The following PARD3B variants were observed in gnomAD, a reference collection of about 807,000 sequenced individuals.
PARD3B encodes the protein par-3 family cell polarity regulator beta.
Under a neutral mutation model 130.2 loss-of-function variants are expected in PARD3B, and 103 were observed. The observed-to-expected ratio is 0.79, with a 90% CI of 0.67 to 0.93. PARD3B has a LOEUF of 0.93. Among genes scored for constraint, PARD3B ranks in the 40% least tolerant of loss-of-function variants. The pLI, the probability that PARD3B is intolerant of heterozygous loss-of-function variation, is 0.00. For missense variants in PARD3B, 1,609 were observed against 1,499.2 expected (o/e 1.07, Z -1.21); for synonymous variants, 583 against 553.2 (o/e 1.05, Z -0.76).
At chr2:205,529,804 T>G (rs2051507207) in intron 21 of PARD3B, among the ~76,000 whole-genome samples, 1 of 152,226 alleles carries the variant, frequency 6.6e-6, no homozygotes, top group Non-Finnish European at 1.5e-5. Flanking sequence ...TTTTCTTTTT[T>G]CATTTTTTAA....
At chr2:205,348,303 C>A (rs969231300) in intron 18 of PARD3B, 1 of 152,210 alleles carries the variant, frequency 6.6e-6, no homozygotes, top group African/African-American at 2.4e-5. Context: ...TATTACTGAA[C>A]AACAATTAGA....
At chr2:205,395,847 G>C (rs549751994) in intron 18 of PARD3B, among the ~76,000 whole-genome samples, 1 of 152,252 alleles carries the variant, frequency 6.6e-6, no homozygotes, top group African/African-American at 2.4e-5. Context: ...CAAAACACTT[G>C]GTTCCTCTGC....
chr2:205,574,530 C>T (rs141508793), intron 22 of PARD3B, among the ~76,000 whole-genome samples: 2 of 152,098 alleles, frequency 1.3e-5, no homozygotes, highest in South Asian at 2.1e-4. Flanking sequence ...AGAATAATTC[C>T]GGAAAGATCT....
At chr2:204,624,997 C>CT (rs896064492) in intron 1 of PARD3B, among the ~76,000 whole-genome samples, 3 of 151,960 alleles carry the variant, frequency 2.0e-5, no homozygotes, top group South Asian at 2.1e-4. Context: ...GATGTTGAAC[C>CT]TTTTTTTGTG....
chr2:204,836,189 C>G (rs1247978546), intron 2 of PARD3B, among the ~76,000 whole-genome samples: 1 of 152,046 alleles, frequency 6.6e-6, no homozygotes. Context: ...TATATAGATA[C>G]TATTGCATTT....
Position 205,584,876 on chromosome 2 carries a change from C to A in PARD3B, c.3261-30580C>A, listed in dbSNP as rs2106581409. ...CTTTTTTGGAAAACACTTTTTTCCC[C>A]TTAGATTGTACATAATACCAGGCAC... is the stretch of plus-strand genomic sequence containing the variant. On this transcript the variant is annotated intron_variant, in intron 22 of 22. Coordinates refer to ENST00000406610, the MANE Select transcript of PARD3B (RefSeq NM_001302769.2). The surrounding 1 kb of genome is among the most constrained non-coding windows in gnomAD (Gnocchi z 5.5). Among the ~76,000 whole-genome samples the A allele has an allele frequency of 6.6e-6, 1 of 152,056 alleles. No homozygotes were observed. The highest frequency in any genetic ancestry group is 1.9e-4 in the East Asian group (1 of 5,162).
chr2:204,797,865 G>A (rs984882791), intron 2 of PARD3B, among the ~76,000 whole-genome samples: 4 of 152,056 alleles, frequency 2.6e-5, no homozygotes, highest in East Asian at 1.9e-4. Flanking sequence ...GACTTAAAAC[G>A]CAATTTGAAA....
intron 2 of PARD3B, among the ~76,000 whole-genome samples, chr2:204,705,636 A>C (rs1574759955): frequency 1.3e-5 from 2 of 152,348 alleles, no homozygotes; most frequent in Middle Eastern, 6.8e-3. Context: ...GATGTCTGTT[A>C]AATATCATCT....
At chr2:204,695,706 A>C (rs1267651070) in intron 2 of PARD3B, among the ~76,000 whole-genome samples, 1 of 152,006 alleles carries the variant, frequency 6.6e-6, no homozygotes, top group African/African-American at 2.4e-5. Flanking sequence ...GAGGTATTTA[A>C]GCAAACATTT....
intron 2 of PARD3B, among the ~76,000 whole-genome samples, chr2:204,816,575 T>A (rs936316696): frequency 3.3e-5 from 5 of 152,030 alleles, no homozygotes; most frequent in African/African-American, 1.2e-4. Flanking sequence ...CTACAGTATT[T>A]TCTCACTTGT....
At chr2:204,847,117 A>G (rs985059100) in intron 2 of PARD3B, among the ~76,000 whole-genome samples, 1 of 151,170 alleles carries the variant, frequency 6.6e-6, no homozygotes, top group African/African-American at 2.4e-5. Context: ...TTGTTTAGGT[A>G]TGTTTGTTTC....
intron 14 of PARD3B, among the ~76,000 whole-genome samples, chr2:205,189,604 A>G (rs893841207): frequency 3.9e-5 from 6 of 152,232 alleles, no homozygotes; most frequent in Non-Finnish European, 5.9e-5. Context: ...GTTGTATTTC[A>G]TAGTTAATCA....
At chr2:204,996,838 G>A (rs1264605099) in intron 3 of PARD3B, among the ~76,000 whole-genome samples, 9 of 147,288 alleles carry the variant, frequency 6.1e-5, no homozygotes, top group South Asian at 2.3e-4. Context: ...GGAGTGACCC[G>A]ATTTTCCAGG....
At chr2:204,613,691 A>G (rs1211796941) in intron 1 of PARD3B, among the ~76,000 whole-genome samples, 5 of 151,998 alleles carry the variant, frequency 3.3e-5, no homozygotes, top group Non-Finnish European at 7.4e-5. Flanking sequence ...TGCCATCAAA[A>G]GTTTTATTTT....
At chr2:204,647,376 T>C (rs2125162866) in intron 1 of PARD3B, among the ~76,000 whole-genome samples, 1 of 152,064 alleles carries the variant, frequency 6.6e-6, no homozygotes, top group Admixed American at 6.5e-5. Context: ...ATGTATTTTT[T>C]TTAATTTTGT....
rs2052593692 is a variant in PARD3B, at chr2:205,550,923, AT to A, written c.3181-2400del. 7.4e-6 allele frequency among the ~76,000 whole-genome samples: 1 copy of A among 135,058 alleles called. No homozygotes were observed. The allele number at this position is 135,058 out of a possible 152,430, so 88.6% of individuals were successfully genotyped here. On this transcript the variant is annotated intron_variant, in intron 21 of 22. Coordinates refer to ENST00000406610, the MANE Select transcript of PARD3B (RefSeq NM_001302769.2). The surrounding 1 kb of genome is among the most constrained non-coding windows in gnomAD (Gnocchi z 4.5). ...AATCATGTTATAAATACATATAATTATGTGTGTGTGTGTGTGTGTATATATA... is the reference window on the plus strand; with the variant it reads ...AATCATGTTATAAATACATATAATTAGTGTGTGTGTGTGTGTGTATATATA...
intron 2 of PARD3B, among the ~76,000 whole-genome samples, chr2:204,852,519 T>TA (rs2044750073): frequency 6.6e-6 from 1 of 152,086 alleles, no homozygotes; most frequent in African/African-American, 2.4e-5. Flanking sequence ...AAACATGAAG[T>TA]AAAAAAATTT....
chr2:205,205,709 G>A (rs539124920), intron 15 of PARD3B, among the ~76,000 whole-genome samples: 60 of 152,226 alleles, frequency 3.9e-4, no homozygotes, highest in African/African-American at 1.4e-3. Context: ...ATAATCATGT[G>A]GTTTTTGTCA....
chr2:204,935,862 A>G (rs545591797), intron 2 of PARD3B, among the ~76,000 whole-genome samples: 1 of 152,188 alleles, frequency 6.6e-6, no homozygotes, highest in African/African-American at 2.4e-5. Context: ...AGGATTATAG[A>G]TGGAAAATCA....
Sources: allele counts gnomAD v4.1 joint callset (sites outside exome capture counted in the v4.1 genomes callset), GRCh38; gene constraint gnomAD v4.1.1; non-coding constraint Gnocchi (gnomAD v3.1); transcripts MANE v1.5; gene names NCBI Gene and HGNC (gene_info 2026-07-23, HGNC 2026-07-21).